GPR158: variants seen among roughly 807,000 people sequenced by gnomAD.
The protein encoded by GPR158 is metabotropic glycine receptor.
In GPR158, 30 loss-of-function variants were observed where a neutral mutation model predicts 78.2. That is an observed-to-expected ratio of 0.38 (90% CI 0.29 to 0.52). The LOEUF is 0.52. Among genes scored for constraint, GPR158 ranks in the 20% least tolerant of loss-of-function variants. The pLI, the probability that GPR158 is intolerant of heterozygous loss-of-function variation, is 0.83. For synonymous variants in GPR158, 581 were observed against 591.1 expected, an observed-to-expected ratio of 0.98 and a Z score of 0.25; for missense variants, 1,463 against 1,523.5, an observed-to-expected ratio of 0.96 and a Z score of 0.66.
At chr10:25,335,249 C>G (rs1340773848) in intron 2 of GPR158, among the ~76,000 whole-genome samples, 1 of 152,000 alleles carries the variant, frequency 6.6e-6, no homozygotes, top group Non-Finnish European at 1.5e-5. Context: ...TTACTAATGG[C>G]TTAAATTTTG....
chr10:25,412,173 A>G, intron 3 of GPR158, 77 bp from the exon 4 acceptor site: 1 of 931,330 alleles, frequency 1.1e-6, no homozygotes. Flanking sequence ...GGAGTCACGG[A>G]TGTCTTTTGA....
intron 2 of GPR158, among the ~76,000 whole-genome samples, chr10:25,287,795 G>A (rs997962670): frequency 6.6e-6 from 1 of 152,014 alleles, no homozygotes; most frequent in Admixed American, 6.6e-5. Flanking sequence ...TTTTCATATT[G>A]TCTGCCATTT....
intron 2 of GPR158, among the ~76,000 whole-genome samples, chr10:25,303,345 A>G (rs1415708560): frequency 6.6e-6 from 1 of 152,170 alleles, no homozygotes; most frequent in African/African-American, 2.4e-5. Flanking sequence ...AGAAAGCTCT[A>G]TTGGACGTCA....
At chr10:25,409,253 G>A (rs1252510098) in intron 3 of GPR158, among the ~76,000 whole-genome samples, 8 of 151,018 alleles carry the variant, frequency 5.3e-5, no homozygotes, top group African/African-American at 1.7e-4. Context: ...TTCTCTGTCT[G>A]TGACTGTTCT....
chr10:25,344,656 G>GT (rs1279267756), intron 2 of GPR158, among the ~76,000 whole-genome samples: 3 of 151,938 alleles, frequency 2.0e-5, no homozygotes, highest in Admixed American at 1.3e-4. Flanking sequence ...AAACTCCAGT[G>GT]TTATTCATAG....
At chr10:25,394,678 T>C (rs1377473985) in intron 2 of GPR158, among the ~76,000 whole-genome samples, 1 of 152,174 alleles carries the variant, frequency 6.6e-6, no homozygotes, top group African/African-American at 2.4e-5. Flanking sequence ...GAAGAGGGTA[T>C]TAATGAAATT....
chr10:25,554,940 A>C (rs1460196748), intron 6 of GPR158, among the ~76,000 whole-genome samples: 1 of 152,098 alleles, frequency 6.6e-6, no homozygotes, highest in Non-Finnish European at 1.5e-5. Context: ...CCACTCACAT[A>C]GCCCCACCTC....
At chr10:25,419,801 AT>A (rs1225646029) in intron 4 of GPR158, among the ~76,000 whole-genome samples, 1 of 152,116 alleles carries the variant, frequency 6.6e-6, no homozygotes, top group Non-Finnish European at 1.5e-5. Flanking sequence ...CCATTTATAT[AT>A]CTTCTTTGAA....
chr10:25,532,049 A>G (rs1229791423), intron 5 of GPR158, among the ~76,000 whole-genome samples: 1 of 152,310 alleles, frequency 6.6e-6, no homozygotes, highest in East Asian at 1.9e-4. Flanking sequence ...GACAATTCTG[A>G]TTCTAGGTTG....
At chr10:25,355,481 C>T (rs1172969456) in intron 2 of GPR158, among the ~76,000 whole-genome samples, 4 of 152,128 alleles carry the variant, frequency 2.6e-5, no homozygotes, top group Admixed American at 2.0e-4. Context: ...ATTTTGAATT[C>T]GTAGTCAGAG....
chr10:25,275,300 C>T (rs922317281), intron 2 of GPR158, among the ~76,000 whole-genome samples: 1 of 152,132 alleles, frequency 6.6e-6, no homozygotes, highest in Non-Finnish European at 1.5e-5. Flanking sequence ...CACCCCAAAC[C>T]TTCTGAATTT....
In GPR158 at chr10:25,601,044, C is replaced by T. The variant is rs1031779186; in HGVS notation, c.*1770C>T. Reference sequence around the variant, plus strand: ...CAGCACAAATAACTATTTTTTATGTCACAAGCAGCAAGGAGGACATGCTAG... The same window carrying T: ...CAGCACAAATAACTATTTTTTATGTTACAAGCAGCAAGGAGGACATGCTAG... On this transcript the variant is annotated 3_prime_UTR_variant, in exon 11 of 11. Transcript: ENST00000376351. 2.6e-5 allele frequency: 4 copies of T among 152,246 alleles called. No homozygotes were observed. The highest frequency in any genetic ancestry group is 4.4e-5 in the Non-Finnish European group (3 of 68,044). The allele number at this position is 152,246 out of a possible 1,614,324, so 9.4% of individuals were successfully genotyped here.
intron 2 of GPR158, among the ~76,000 whole-genome samples, chr10:25,371,671 G>T (rs969779779): frequency 7.5e-6 from 1 of 132,700 alleles, no homozygotes; most frequent in Non-Finnish European, 1.7e-5. Flanking sequence ...AGCTGAAACT[G>T]GATCCCTTCC....
chr10:25,358,642 A>T (rs1855586220), intron 2 of GPR158, among the ~76,000 whole-genome samples: 1 of 152,092 alleles, frequency 6.6e-6, no homozygotes, highest in Non-Finnish European at 1.5e-5. Context: ...CTCCCTAGCC[A>T]TGTGGAACTG....
intron 2 of GPR158, among the ~76,000 whole-genome samples, chr10:25,352,512 GT>G (rs1855489609): frequency 6.6e-6 from 1 of 151,960 alleles, no homozygotes; most frequent in South Asian, 2.1e-4. Flanking sequence ...AGTTTATAAT[GT>G]TAAGAATAAA....
At chr10:25,390,281 A>G (rs114270634) in intron 2 of GPR158, among the ~76,000 whole-genome samples, 5 of 152,192 alleles carry the variant, frequency 3.3e-5, no homozygotes, top group Non-Finnish European at 7.4e-5. Flanking sequence ...TGGGTAACAG[A>G]TAGAGGTTGG....
At chr10:25,532,192 A>G (rs1357475866) in intron 5 of GPR158, among the ~76,000 whole-genome samples, 1 of 152,156 alleles carries the variant, frequency 6.6e-6, no homozygotes, top group African/African-American at 2.4e-5. Flanking sequence ...GAATCTTTGG[A>G]CCCTAAAGAG....
At chr10:25,581,226 C>G (rs535004386) in intron 7 of GPR158, among the ~76,000 whole-genome samples, 8 of 151,932 alleles carry the variant, frequency 5.3e-5, no homozygotes, top group African/African-American at 1.9e-4. Flanking sequence ...CCGCGCCCGG[C>G]GCTAATTTTT....
chr10:25,373,143 G>A (rs10828787), intron 2 of GPR158, among the ~76,000 whole-genome samples: 2 of 151,664 alleles, frequency 1.3e-5, no homozygotes, highest in Non-Finnish European at 2.9e-5. Flanking sequence ...CCTGTCCTCT[G>A]TAGCAGCATG....
Sources: allele counts gnomAD v4.1 joint callset (sites outside exome capture counted in the v4.1 genomes callset), GRCh38; gene constraint gnomAD v4.1.1; transcripts MANE v1.5; gene names NCBI Gene and HGNC (gene_info 2026-07-23, HGNC 2026-07-21).